Variants in ARID5B observed in about 807,000 individuals in gnomAD.
The protein encoded by ARID5B is AT-rich interaction domain 5B, also known as AT-rich interactive domain-containing protein 5B.
Under a neutral mutation model 97.2 loss-of-function variants are expected in ARID5B, and 13 were observed. That is an observed-to-expected ratio of 0.13 (90% CI 0.09 to 0.21). The LOEUF is 0.21. ARID5B is among the 10% of genes least tolerant of loss of function. The pLI, the probability that ARID5B is intolerant of heterozygous loss-of-function variation, is 1.00. For missense variants in ARID5B, 1,210 were observed against 1,465.3 expected (o/e 0.83, Z 2.84); for synonymous variants, 556 against 570.3 (o/e 0.97, Z 0.36).
chr10:61,913,940 G>A (rs951389388), intron 2 of ARID5B, among the ~76,000 whole-genome samples: 3 of 152,100 alleles, frequency 2.0e-5, no homozygotes, highest in Admixed American at 2.0e-4. Flanking sequence ...TAATAGAGAC[G>A]GGGTTTCTCC....
chr10:61,997,215 C>A (rs557033253), intron 3 of ARID5B, among the ~76,000 whole-genome samples: 6 of 151,554 alleles, frequency 4.0e-5, no homozygotes, highest in South Asian at 4.2e-4. Context: ...GGATTCATGA[C>A]TTGGCTAGTG....
chr10:62,046,356 T>C (rs1839708323), intron 4 of ARID5B, among the ~76,000 whole-genome samples: 1 of 152,240 alleles, frequency 6.6e-6, no homozygotes, highest in African/African-American at 2.4e-5. Flanking sequence ...TTCCCACACC[T>C]GCACTGCCCT....
At chr10:61,959,493 A>T (rs1838440284) in intron 3 of ARID5B, among the ~76,000 whole-genome samples, 2 of 152,216 alleles carry the variant, frequency 1.3e-5, no homozygotes, top group African/African-American at 4.8e-5. Flanking sequence ...AAGTGCCTAA[A>T]TGTTCTGCTG....
rs565922963 is a variant in ARID5B, at chr10:61,938,475, T to C, written c.277-1708T>C. Among the ~76,000 whole-genome samples the C allele has an allele frequency of 2.3e-4, 35 of 152,354 alleles. No homozygotes were observed. In the South Asian group the frequency reaches 5.6e-3, roughly 24 times the overall value. On this transcript the variant is annotated intron_variant, in intron 2 of 9. Coordinates refer to ENST00000279873, the MANE Select transcript of ARID5B (RefSeq NM_032199.3). ...GTCACCTGTCCAGAAGCTGTTCCCATATGCTTTGAAACAATATCTAGCCTG... is the reference window on the plus strand; with the variant it reads ...GTCACCTGTCCAGAAGCTGTTCCCACATGCTTTGAAACAATATCTAGCCTG...
chr10:62,009,312 A>G (rs1414040649), intron 4 of ARID5B, among the ~76,000 whole-genome samples: 1 of 152,200 alleles, frequency 6.6e-6, no homozygotes, highest in Non-Finnish European at 1.5e-5. Context: ...AGATTGGTGC[A>G]TTCTAATGCT....
chr10:61,978,263 C>A (rs1466113191), intron 3 of ARID5B, among the ~76,000 whole-genome samples: 2 of 152,120 alleles, frequency 1.3e-5, no homozygotes, highest in Non-Finnish European at 2.9e-5. Flanking sequence ...GTTACTGTAG[C>A]CTTGTAGTAT....
At chr10:62,026,196 A>G (rs998580670) in intron 4 of ARID5B, among the ~76,000 whole-genome samples, 1 of 152,262 alleles carries the variant, frequency 6.6e-6, no homozygotes, top group African/African-American at 2.4e-5. Flanking sequence ...ACAACTGACC[A>G]GGGCAGAACT....
At chr10:62,057,417 C>A in intron 6 of ARID5B, 99 bp downstream of exon 6, 1 of 1,215,868 alleles carries the variant, frequency 8.2e-7, no homozygotes, top group Non-Finnish European at 1.2e-6. Context: ...AAATCCTAAT[C>A]TGGGGATAGT....
rs10994979 is a variant in ARID5B, at chr10:61,943,478, C to G, written c.502+3070C>G. On this transcript the variant is annotated intron_variant, in intron 3 of 9. Coordinates refer to ENST00000279873, the MANE Select transcript of ARID5B (RefSeq NM_032199.3). ...CTGTGAGATTATTTGAGGCCCCCCC[C>G]CTTTTTTTCTGGTGGAAGTAAGCAA... Among the ~76,000 whole-genome samples, 1,184 of 149,946 alleles carry G rather than the reference C, an allele frequency of 7.9e-3. 5 individuals are homozygous for G. Among genetic ancestry groups the G allele is most frequent in the African/African-American group, 0.016 (666 of 40,466 alleles).
rs150298444 is a variant in ARID5B, at chr10:62,060,810, G to A, written c.1101+1515G>A. Among the ~76,000 whole-genome samples, 87 of 152,262 alleles carry A rather than the reference G, an allele frequency of 5.7e-4. No homozygotes were observed. In the South Asian group the frequency reaches 9.3e-3, roughly 16 times the overall value. On this transcript the variant is annotated intron_variant, in intron 7 of 9. Coordinates refer to ENST00000279873, the MANE Select transcript of ARID5B (RefSeq NM_032199.3). ...ATGATATTGAACAATATTATGAAACGTCTTTTCACACTCTGGAACTTTTTG... is the reference window on the plus strand; with the variant it reads ...ATGATATTGAACAATATTATGAAACATCTTTTCACACTCTGGAACTTTTTG...
At chr10:62,045,504 G>A (rs930775367) in intron 4 of ARID5B, among the ~76,000 whole-genome samples, 1 of 149,470 alleles carries the variant, frequency 6.7e-6, no homozygotes, top group African/African-American at 2.5e-5. Flanking sequence ...AGGCTGGAGT[G>A]CAGTGGTGCG....
At chr10:61,909,617 G>A (rs940877960) in intron 2 of ARID5B, among the ~76,000 whole-genome samples, 1 of 152,160 alleles carries the variant, frequency 6.6e-6, no homozygotes, top group Non-Finnish European at 1.5e-5. Context: ...CAGCCACCGC[G>A]CCTGGCCTTC....
chr10:62,031,692 C>T (rs572956510), intron 4 of ARID5B, among the ~76,000 whole-genome samples: 1 of 152,196 alleles, frequency 6.6e-6, no homozygotes, highest in East Asian at 1.9e-4. Flanking sequence ...AGAAGAAGGG[C>T]AGTTGAAGCC....
intron 2 of ARID5B, among the ~76,000 whole-genome samples, chr10:61,917,490 G>A (rs57475440): frequency 2.0e-3 from 302 of 152,144 alleles, no homozygotes; most frequent in African/African-American, 6.9e-3. Context: ...CACCACGCCC[G>A]GCTAATTTTT....
At chr10:62,013,564 G>A (rs1839244197) in intron 4 of ARID5B, among the ~76,000 whole-genome samples, 2 of 151,700 alleles carry the variant, frequency 1.3e-5, no homozygotes, top group South Asian at 2.1e-4. Flanking sequence ...TGTATCCCTT[G>A]AGCAACATCT....
chr10:62,026,326 G>A (rs778268982), intron 4 of ARID5B, among the ~76,000 whole-genome samples: 13 of 152,196 alleles, frequency 8.5e-5, no homozygotes, highest in Non-Finnish European at 1.8e-4. Context: ...GGCAATGAGT[G>A]TGCTCATTTA....
At chr10:62,038,836 G>A (rs1839597804) in intron 4 of ARID5B, among the ~76,000 whole-genome samples, 2 of 152,120 alleles carry the variant, frequency 1.3e-5, no homozygotes, top group Admixed American at 6.6e-5. Flanking sequence ...GACTCACCAC[G>A]AGAGGGCAAT....
At chr10:61,930,131 A>C (rs536458195) in intron 2 of ARID5B, among the ~76,000 whole-genome samples, 1 of 152,394 alleles carries the variant, frequency 6.6e-6, no homozygotes, top group South Asian at 2.1e-4. Flanking sequence ...ATGCAGAGAA[A>C]GAAGACCACA....
intron 4 of ARID5B, among the ~76,000 whole-genome samples, chr10:62,025,810 C>CG (rs1564630685): frequency 1.3e-5 from 1 of 74,672 alleles, no homozygotes; most frequent in Non-Finnish European, 2.6e-5. Flanking sequence ...GGAGTGGAAG[C>CG]GAAAAAAAAA....
Sources: allele counts gnomAD v4.1 joint callset (sites outside exome capture counted in the v4.1 genomes callset), GRCh38; gene constraint gnomAD v4.1.1; transcripts MANE v1.5; gene names NCBI Gene and HGNC (gene_info 2026-07-23, HGNC 2026-07-21).